The following AKR1B10 variants were observed in gnomAD, a reference collection of about 807,000 sequenced individuals.
AKR1B10 encodes ARP.
Under a neutral mutation model 38.9 loss-of-function variants are expected in AKR1B10, and 39 were observed. That is an observed-to-expected ratio of 1.00 (90% confidence interval 0.78 to 1.31). AKR1B10 has a LOEUF of 1.31. Ranked by LOEUF, AKR1B10 falls within the 50% of genes most tolerant of loss-of-function variation. The pLI, the probability that AKR1B10 is intolerant of heterozygous loss-of-function variation, is 0.00. For synonymous variants in AKR1B10, 148 were observed against 141.2 expected (o/e 1.05, Z -0.34); for missense variants, 361 against 382.6 (o/e 0.94, Z 0.47).
Position 134,533,071 on chromosome 7 carries a change from A to T in AKR1B10, c.419A>T (p.Asp140Val), listed in dbSNP as rs574158757. 6.3e-7 allele frequency: 1 copy of T among 1,596,652 alleles called. No homozygotes were observed. Among genetic ancestry groups the T allele is most frequent in the East Asian group, 2.3e-5 (1 of 43,604 alleles). Residue 140 changes from aspartate to valine, a missense_variant, in exon 4 of 10, where the codon GAT becomes GTT. This residue lies in a region of AKR1B10 where 220 missense variants were observed against 216.1 expected (regional missense o/e 1.02). Transcript: ENST00000359579. ...NAIGGKATFL[D>V]AWEAMEELVD... ...ATCGGTGGAAAAGCAACGTTCTTGGATGCCTGGGAGGTAGGTTCCCAGCTT... is the reference window on the plus strand; with the variant it reads ...ATCGGTGGAAAAGCAACGTTCTTGGTTGCCTGGGAGGTAGGTTCCCAGCTT...
chr7:134,533,081 G>C lies in AKR1B10; in HGVS notation c.429G>C (p.Glu143Asp), dbSNP rs1183123646. Residue 143 changes from glutamate (E) to aspartate (D), a missense_variant and splice_region_variant, in exon 4 of 10, where the codon GAG becomes GAC. By Grantham distance (45) the Glu-to-Asp change is conservative (BLOSUM62 2). Coordinates refer to ENST00000359579, the MANE Select transcript of AKR1B10 (RefSeq NM_020299.5). ...GGKATFLDAW[E>D]AMEELVDEGL... ...AAGCAACGTTCTTGGATGCCTGGGA[G>C]GTAGGTTCCCAGCTTCCTCTAAGTG... 6.3e-7 allele frequency: 1 copy of C among 1,592,290 alleles called. No homozygotes were observed. The highest frequency in any genetic ancestry group is 1.8e-5 in the Admixed American group (1 of 54,844).
At chr7:134,532,067 TGC>T (rs763675781) in intron 3 of AKR1B10, 43 bp downstream of exon 3, 1 of 1,608,748 alleles carries the variant, frequency 6.2e-7, no homozygotes, top group South Asian at 1.1e-5. Context: ...TCTGAGCAGG[TGC>T]CAGAAAATAG....
rs1462616070 is a variant in AKR1B10 at position 134,539,015 on chromosome 7, G to A, written c.906G>A (p.Leu302=). 1 of 1,613,926 alleles carries A rather than the reference G, an allele frequency of 6.2e-7. No homozygotes were observed. The highest frequency in any genetic ancestry group is 8.5e-7 in the Non-Finnish European group (1 of 1,179,934). ...GAAACTGGAGGGCCTGTAACGTGTT[G>A]CAGTAAGTGGCATGGAGTTAACTAG... ...FNRNWRACNV[L]QSSHLEDYPF... Residue 302 remains leucine (L), a splice_region_variant and synonymous_variant, in exon 9 of 10, where the codon TTG becomes TTA. Coordinates refer to ENST00000359579, the MANE Select transcript of AKR1B10 (RefSeq NM_020299.5).
At chr7:134,535,631 C>T in intron 4 of AKR1B10, 3 of 247,304 alleles carry the variant, frequency 1.2e-5, no homozygotes, top group Non-Finnish European at 1.7e-5. Context: ...AGCTTATACT[C>T]TACCTGAAGG....
Position 134,537,726 on chromosome 7 carries a change from T to C in AKR1B10, c.741+65T>C, listed in dbSNP as rs1265415622. 3 of 1,581,866 alleles carry C rather than the reference T, an allele frequency of 1.9e-6. No homozygotes were observed. In the South Asian group the frequency reaches 3.3e-5, roughly 18 times the overall value. On this transcript the variant is annotated intron_variant, in intron 7 of 9. Transcript: ENST00000359579. ...TCTTCCAGTCTCGTGTTTCATATCC[T>C]GTGTTGTCCTCAACAAACTCCTTAA... is the stretch of plus-strand genomic sequence containing the variant.
chr7:134,532,483 C>T (rs1443283328), intron 3 of AKR1B10, among the ~76,000 whole-genome samples: 1 of 152,070 alleles, frequency 6.6e-6, no homozygotes, highest in East Asian at 1.9e-4. Context: ...AGTAGTGATC[C>T]AGGCACCCAT....
At chr7:134,533,409 T>G (rs1202774285) in intron 4 of AKR1B10, among the ~76,000 whole-genome samples, 1 of 152,116 alleles carries the variant, frequency 6.6e-6, no homozygotes, top group Non-Finnish European at 1.5e-5. Context: ...TAACCTAGGG[T>G]CAGTTTTGTA....
Position 134,533,032 on chromosome 7 carries a change from A to T in AKR1B10, c.380A>T (p.Asp127Val). 6.2e-7 allele frequency: 1 copy of T among 1,602,404 alleles called. No individual in the cohort carries two copies. Among genetic ancestry groups the T allele is most frequent in the Non-Finnish European group, 8.5e-7 (1 of 1,176,158 alleles). Residue 127 changes from aspartate (D) to valine (V), a missense_variant, in exon 4 of 10, where the codon GAT (aspartate) becomes GTT (valine). Physicochemically the swap from Asp to Val is radical, Grantham distance 152. Coordinates refer to ENST00000359579, the MANE Select transcript of AKR1B10 (RefSeq NM_020299.5). ...GGGGATGACCTTTTCCCCAAAGATGATAAAGGTAATGCCATCGGTGGAAAA... is the reference window on the plus strand; with the variant it reads ...GGGGATGACCTTTTCCCCAAAGATGTTAAAGGTAATGCCATCGGTGGAAAA... The part of the protein sequence containing the change: ...KSGDDLFPKD[D>V]KGNAIGGKAT...
intron 5 of AKR1B10, 63 bp from the exon 6 acceptor site, chr7:134,536,988 T>C: frequency 6.4e-7 from 1 of 1,553,850 alleles, no homozygotes; most frequent in Non-Finnish European, 8.7e-7. Flanking sequence ...TGTGTAGAAC[T>C]CCCTAGGAAC....
chr7:134,528,286 C>T (rs1433613054), intron 1 of AKR1B10, among the ~76,000 whole-genome samples: 2 of 152,174 alleles, frequency 1.3e-5, no homozygotes, highest in Non-Finnish European at 2.9e-5. Context: ...TTGGGCTCAA[C>T]GTTTCCCCCA....
chr7:134,533,244 A>C (rs190729510), intron 4 of AKR1B10, among the ~76,000 whole-genome samples, 163 bp downstream of exon 4: 1 of 152,310 alleles, frequency 6.6e-6, no homozygotes, highest in African/African-American at 2.4e-5. Context: ...GCTTTTGGGT[A>C]CATCTGATAC....
At chr7:134,536,583 A>G in intron 4 of AKR1B10, 67 bp from the exon 5 acceptor site, 1 of 1,570,736 alleles carries the variant, frequency 6.4e-7, no homozygotes, top group Non-Finnish European at 8.6e-7. Flanking sequence ...CCCAGGGAGG[A>G]CTAAGGCAAG....
chr7:134,540,534 A>C (rs1295858658), intron 9 of AKR1B10, among the ~76,000 whole-genome samples: 2 of 152,200 alleles, frequency 1.3e-5, no homozygotes, highest in African/African-American at 2.4e-5. Context: ...CTGGTTTATT[A>C]GCTGTGTGAC....
chr7:134,539,953 C>G (rs1209576668), intron 9 of AKR1B10, among the ~76,000 whole-genome samples: 1 of 152,186 alleles, frequency 6.6e-6, no homozygotes, highest in Non-Finnish European at 1.5e-5. Flanking sequence ...TTCGGCTGGG[C>G]GTGGTGGCCC....
At chr7:134,531,475 C>A (rs1807853882) in intron 2 of AKR1B10, among the ~76,000 whole-genome samples, 2 of 152,112 alleles carry the variant, frequency 1.3e-5, no homozygotes, top group Admixed American at 1.3e-4. Flanking sequence ...AAAATTATCA[C>A]TTGGGGCCTT....
intron 4 of AKR1B10, chr7:134,535,694 G>C (rs1807983886): frequency 1.0e-6 from 1 of 972,612 alleles, no homozygotes; most frequent in African/African-American, 1.9e-5. Flanking sequence ...TGCCCTTTCT[G>C]ACTCTGTCTA....
intron 4 of AKR1B10, among the ~76,000 whole-genome samples, chr7:134,534,842 C>T (rs1807954428): frequency 1.3e-5 from 2 of 152,124 alleles, no homozygotes; most frequent in Admixed American, 6.5e-5. Flanking sequence ...ATTCTACTGC[C>T]CAATTTGGAT....
intron 4 of AKR1B10, among the ~76,000 whole-genome samples, chr7:134,533,460 G>T (rs1807920124): frequency 6.6e-6 from 1 of 152,064 alleles, no homozygotes; most frequent in Non-Finnish European, 1.5e-5. Context: ...AAAAGAAGTT[G>T]TATAATACAT....
chr7:134,540,956 G>T lies in AKR1B10; in HGVS notation c.909-91G>T, dbSNP rs1808134840. On this transcript the variant is annotated intron_variant, in intron 9 of 9. Transcript: ENST00000359579. ...AGGCTAAGAGAGCACAAATATGATAGAGTCCACCAGGGAAGAATACCTTCT... is the reference window on the plus strand; with the variant it reads ...AGGCTAAGAGAGCACAAATATGATATAGTCCACCAGGGAAGAATACCTTCT... The T allele has an allele frequency of 1.2e-4, 114 of 919,562 alleles. 2 individuals carry two copies. The South Asian group carries it at 1.5e-3, about 12-fold the overall frequency. 57.0% of individuals were successfully genotyped at this position (919,562 alleles called of 1,614,324 possible).
Sources: allele counts gnomAD v4.1 joint callset (sites outside exome capture counted in the v4.1 genomes callset), GRCh38; gene constraint gnomAD v4.1.1; regional missense constraint gnomAD v4.1.1; transcripts MANE v1.5; gene names NCBI Gene and HGNC (gene_info 2026-07-23, HGNC 2026-07-21).